The following KANSL1 variants were observed in gnomAD, a reference collection of about 807,000 sequenced individuals.
KANSL1 encodes the protein KAT8 regulatory NSL complex subunit 1.
KANSL1 carries 22 observed loss-of-function variants against 103.6 expected under a neutral mutation model. The observed-to-expected ratio is 0.21, with a 90% CI of 0.15 to 0.30. The LOEUF is 0.30. Ranked by LOEUF, KANSL1 falls within the 10% of genes least tolerant of loss-of-function variation. The pLI is 1.00. For synonymous variants in KANSL1, 600 were observed against 527.6 expected (o/e 1.14, Z -1.88); for missense variants, 1,337 against 1,399.8 (o/e 0.96, Z 0.72).
At chr17:46,089,924 G>A (rs1405345284) in intron 3 of KANSL1, among the ~76,000 whole-genome samples, 5 of 152,174 alleles carry the variant, frequency 3.3e-5, no homozygotes, top group Non-Finnish European at 7.4e-5. Context: ...ATATATCATT[G>A]GGGGAAAATT....
intron 2 of KANSL1, among the ~76,000 whole-genome samples, chr17:46,136,231 G>A (rs192217515): frequency 1.4e-4 from 21 of 152,246 alleles, no homozygotes; most frequent in Non-Finnish European, 2.6e-4. Context: ...TTTAAAATGA[G>A]AATTCCTAAT....
chr17:46,160,818 A>C (rs2045695460), intron 2 of KANSL1, among the ~76,000 whole-genome samples: 1 of 152,206 alleles, frequency 6.6e-6, no homozygotes, highest in Non-Finnish European at 1.5e-5. Flanking sequence ...TCTAATGAAC[A>C]ATTTGATTCT....
chr17:46,194,568 A>G (rs971124677), upstream of KANSL1, among the ~76,000 whole-genome samples: 3 of 152,268 alleles, frequency 2.0e-5, no homozygotes, highest in African/African-American at 7.2e-5. Context: ...ACCACCCTTT[A>G]AAGTTGCCAA....
At chr17:46,092,091 T>C (rs2079416890) in intron 3 of KANSL1, among the ~76,000 whole-genome samples, 1 of 152,174 alleles carries the variant, frequency 6.6e-6, no homozygotes, top group Non-Finnish European at 1.5e-5. Context: ...TGCCTCGGCC[T>C]CCCAAAGTGC....
intron 10 of KANSL1, among the ~76,000 whole-genome samples, chr17:46,036,089 G>A (rs946699846): frequency 4.0e-5 from 6 of 151,144 alleles, no homozygotes; most frequent in African/African-American, 7.3e-5. Flanking sequence ...AATTTTGTTT[G>A]TTTGTTTGTT....
At chr17:46,098,493 A>T (rs2042173892) in intron 2 of KANSL1, among the ~76,000 whole-genome samples, 1 of 152,248 alleles carries the variant, frequency 6.6e-6, no homozygotes, top group African/African-American at 2.4e-5. Flanking sequence ...AAATTACTTA[A>T]AACATTTTAG....
At chr17:46,138,291 A>G (rs1200250586) in intron 2 of KANSL1, among the ~76,000 whole-genome samples, 2 of 152,206 alleles carry the variant, frequency 1.3e-5, no homozygotes, top group African/African-American at 4.8e-5. Context: ...CATGGATTCA[A>G]TCAATCAAAC....
At chr17:46,096,462 A>C (rs1255913777) in intron 2 of KANSL1, among the ~76,000 whole-genome samples, 1 of 151,612 alleles carries the variant, frequency 6.6e-6, no homozygotes, top group East Asian at 1.9e-4. Flanking sequence ...CTGGGATTAC[A>C]GGCATGCGCC....
In KANSL1 at chr17:46,147,172, G is replaced by A. The variant is rs541032312; in HGVS notation, c.1289+23683C>T. 7.9e-5 allele frequency among the ~76,000 whole-genome samples: 12 copies of A among 152,284 alleles called. No homozygotes were observed. The South Asian group carries it at 1.9e-3, about 24-fold the overall frequency. On this transcript the variant is annotated intron_variant, in intron 2 of 14. Transcript: ENST00000432791. ...GTACTTGCATGCAAAAATATGATCC[G>A]ATTTAAAAAGTCAATATGCTTAAAA...
rs576520928 is a variant in KANSL1, at chr17:46,133,487, TC to T, written c.1289+37367del. On this transcript the variant is annotated intron_variant, in intron 2 of 14. Transcript: ENST00000432791. ...GCTATGAGGCAGGAAAAAGCACACG[TC>T]AAGGCATGGAGATACGGATATAGAC... 2.1e-3 allele frequency among the ~76,000 whole-genome samples: 322 copies of T among 152,236 alleles called. 2 individuals carry two copies. The highest frequency in any genetic ancestry group is 7.3e-3 in the African/African-American group (304 of 41,530).
intron 3 of KANSL1, among the ~76,000 whole-genome samples, chr17:46,091,437 T>C (rs2079383893): frequency 6.6e-6 from 1 of 152,154 alleles, no homozygotes; most frequent in Non-Finnish European, 1.5e-5. Context: ...TTAAAATAAA[T>C]GTAGTGTAGC....
upstream of KANSL1, chr17:46,193,669 G>A: frequency 3.2e-6 from 1 of 310,688 alleles, no homozygotes; most frequent in Non-Finnish European, 6.7e-6. Context: ...CCCGGCCCCA[G>A]CTGCCCCGGA....
At chr17:46,181,485 G>A (rs1037824415) in intron 1 of KANSL1, among the ~76,000 whole-genome samples, 2 of 151,704 alleles carry the variant, frequency 1.3e-5, no homozygotes, top group East Asian at 1.9e-4. Flanking sequence ...GCTGGAGTGC[G>A]ATGGCGCGAT....
At chr17:46,073,296 G>A (rs1036296771) in intron 4 of KANSL1, among the ~76,000 whole-genome samples, 1 of 152,290 alleles carries the variant, frequency 6.6e-6, no homozygotes, top group Admixed American at 6.5e-5. Flanking sequence ...TGTAAAGTAG[G>A]ATGAGCAAGG....
At chr17:46,185,262 A>C (rs1315856902) in intron 1 of KANSL1, among the ~76,000 whole-genome samples, 1 of 152,246 alleles carries the variant, frequency 6.6e-6, no homozygotes, top group African/African-American at 2.4e-5. Flanking sequence ...CATCAGATGA[A>C]GATCCATTAG....
At chr17:46,150,111 C>A (rs2045008973) in intron 2 of KANSL1, among the ~76,000 whole-genome samples, 1 of 150,870 alleles carries the variant, frequency 6.6e-6, no homozygotes, top group African/African-American at 2.4e-5. Flanking sequence ...GCCTGATACT[C>A]AAAGGCTTCC....
chr17:46,043,817 C>G (rs1229520344), intron 7 of KANSL1: 2 of 152,128 alleles, frequency 1.3e-5, no homozygotes, highest in Non-Finnish European at 2.9e-5. Context: ...GGAACACTAC[C>G]TTGTACTCTC....
chr17:46,079,091 C>T (rs1568423560), intron 4 of KANSL1, among the ~76,000 whole-genome samples: 2 of 152,140 alleles, frequency 1.3e-5, no homozygotes, highest in African/African-American at 4.8e-5. Flanking sequence ...TTCTCTAACC[C>T]ACTACTCTGT....
rs11868569 is a variant in KANSL1 at position 46,079,717 on chromosome 17, C to T, written c.1533+2724G>A. Among the ~76,000 whole-genome samples, 1,469 of 152,328 alleles carry T rather than the reference C, an allele frequency of 9.6e-3. 19 individuals carry two copies. Among genetic ancestry groups the T allele is most frequent in the African/African-American group, 0.034 (1,421 of 41,554 alleles). On this transcript the variant is annotated intron_variant, in intron 4 of 14. Transcript: ENST00000432791. ...TCTAGGCTGGTGCAGTGGTTCACAC[C>T]TGTAATCCCAGCAGTTTTGGAGGCC... is the stretch of plus-strand genomic sequence containing the variant.
Sources: gnomAD v4.1 joint callset for allele counts (sites outside exome capture counted in the v4.1 genomes callset) on GRCh38, gnomAD v4.1.1 for gene constraint, MANE v1.5 for transcripts, NCBI Gene and HGNC (gene_info 2026-07-23, HGNC 2026-07-21) for gene names.